TUBGCP3: variants seen among roughly 807,000 people sequenced by gnomAD.
TUBGCP3 encodes tubulin gamma complex component 3, also known as gamma-tubulin complex component 3.
In TUBGCP3, 50 loss-of-function variants were observed where a neutral mutation model predicts 123.1. That is an observed-to-expected ratio of 0.41 (90% CI 0.32 to 0.51). The LOEUF is 0.51. TUBGCP3 is among the 20% of genes least tolerant of loss of function. The probability of loss-of-function intolerance (pLI) is 0.36; values close to 1 mark genes in which losing one functional copy is unlikely to be tolerated. For synonymous variants in TUBGCP3, 405 were observed against 413.9 expected (o/e 0.98, Z 0.26); for missense variants, 882 against 1,127.0 (o/e 0.78, Z 3.11).
chr13:112,547,564 GCGCGTGGGAAAGTCGCGCGTGGGAAAGA>G, intron 10 of TUBGCP3, 28 bp downstream of exon 10: 1 of 1,349,444 alleles, frequency 7.4e-7, no homozygotes, highest in Non-Finnish European at 9.7e-7. Flanking sequence ...TGGGAAAGTC[GCGCGTGGGAAAGTCGCGCGTGGGAAAGA>G]CGTGCGTGGG....
At chr13:112,596,559 C>CT in the TUBGCP3 span, among the ~76,000 whole-genome samples, 2 of 152,040 alleles carry the variant, frequency 1.3e-5, no homozygotes, top group Admixed American at 6.5e-5. Context: ...CGGAGTTTGA[C>CT]TATGAAATGT....
intron 1 of TUBGCP3, chr13:112,587,277 C>T (rs1882674692): frequency 6.6e-6 from 1 of 152,256 alleles, no homozygotes; most frequent in Non-Finnish European, 1.5e-5. Flanking sequence ...GCCATGTGAA[C>T]TTTCCCAGAA....
At chr13:112,486,187 G>A in intron 21 of TUBGCP3, 36 bp from the exon 22 acceptor site, 1 of 1,608,940 alleles carries the variant, frequency 6.2e-7, no homozygotes, top group Non-Finnish European at 8.5e-7. Flanking sequence ...TATTGTTTCA[G>A]AAAAGAACAA....
intron 17 of TUBGCP3, among the ~76,000 whole-genome samples, chr13:112,505,422 C>T (rs1566538208): frequency 6.6e-6 from 1 of 152,342 alleles, no homozygotes; most frequent in East Asian, 1.9e-4. Context: ...TTTGTTACTG[C>T]TTCAAACGCC....
At chr13:112,584,777 T>C (rs1041698641) in intron 1 of TUBGCP3, among the ~76,000 whole-genome samples, 1 of 152,242 alleles carries the variant, frequency 6.6e-6, no homozygotes, top group Non-Finnish European at 1.5e-5. Context: ...AAAGAAGTGT[T>C]ACCTCTGACA....
At chr13:112,523,923 C>T (rs1876829951) in intron 13 of TUBGCP3, among the ~76,000 whole-genome samples, 2 of 152,234 alleles carry the variant, frequency 1.3e-5, no homozygotes, top group Admixed American at 1.3e-4. Context: ...TTTGCATCTT[C>T]TGTCTTCCCA....
At chr13:112,537,148 T>TTTTTTTAA (rs1555340956) in intron 11 of TUBGCP3, among the ~76,000 whole-genome samples, 1 of 109,066 alleles carries the variant, frequency 9.2e-6, no homozygotes, top group Non-Finnish European at 1.7e-5. Context: ...TTTTTTTTTT[T>TTTTTTTAA]AAAAAAAAAA....
the TUBGCP3 span, among the ~76,000 whole-genome samples, chr13:112,601,143 C>T: frequency 7.6e-5 from 11 of 144,188 alleles, no homozygotes; most frequent in South Asian, 8.6e-4. Context: ...GCCAAGATCA[C>T]GCCACTGCAC....
chr13:112,536,920 C>T (rs1479774446), intron 11 of TUBGCP3, among the ~76,000 whole-genome samples: 1 of 151,860 alleles, frequency 6.6e-6, no homozygotes, highest in African/African-American at 2.4e-5. Context: ...TACAGGTGTG[C>T]ACCACTACAC....
At chr13:112,537,148 T>A (rs9604341) in intron 11 of TUBGCP3, among the ~76,000 whole-genome samples, 10,810 of 109,072 alleles carry the variant, frequency 0.099, 987 homozygotes, top group African/African-American at 0.25. Context: ...TTTTTTTTTT[T>A]AAAAAAAAAA....
intron 11 of TUBGCP3, among the ~76,000 whole-genome samples, chr13:112,533,508 T>C (rs9604339): frequency 0.15 from 22,233 of 151,886 alleles, 2,257 homozygotes; most frequent in African/African-American, 0.29. Context: ...TAATCTCATC[T>C]TTATTTTCAC....
At position 112,554,168 on chromosome 13, in the gene TUBGCP3, C is replaced by T; in HGVS notation, c.855G>A (p.Arg285=). The T allele has an allele frequency of 6.2e-7, 1 of 1,613,868 alleles. No homozygotes were observed. Among genetic ancestry groups the T allele is most frequent in the Non-Finnish European group, 8.5e-7 (1 of 1,179,972 alleles). Residue 285 remains arginine (R), a synonymous_variant, in exon 8 of 22, where the codon AGG becomes AGA. Transcript: ENST00000261965. ...GCCTGACTGCTGTGTCTCTCAAAGACCTACTTAGATTTGCCTAAAAAGTAA... is the reference window on the plus strand; with the variant it reads ...GCCTGACTGCTGTGTCTCTCAAAGATCTACTTAGATTTGCCTAAAAAGTAA... ...YKVEGKANLS[R]SLRDTAVRLS...
chr13:112,534,857 G>C (rs556005815), intron 11 of TUBGCP3, among the ~76,000 whole-genome samples: 1 of 152,074 alleles, frequency 6.6e-6, no homozygotes, highest in East Asian at 1.9e-4. Flanking sequence ...CAATATGGTC[G>C]TGCGACCATT....
chr13:112,540,878 G>A (rs1358570371), intron 11 of TUBGCP3, among the ~76,000 whole-genome samples: 1 of 152,222 alleles, frequency 6.6e-6, no homozygotes, highest in East Asian at 1.9e-4. Context: ...AATAATTTGA[G>A]ATGCTGATTT....
chr13:112,522,963 C>T (rs1378322932), intron 13 of TUBGCP3, among the ~76,000 whole-genome samples: 3 of 152,106 alleles, frequency 2.0e-5, no homozygotes, highest in East Asian at 1.9e-4. Context: ...GTGAACTCTA[C>T]GGAGATTGGT....
At chr13:112,549,457 C>G (rs1327059997) in intron 8 of TUBGCP3, among the ~76,000 whole-genome samples, 3 of 151,656 alleles carry the variant, frequency 2.0e-5, no homozygotes, top group Non-Finnish European at 4.4e-5. Flanking sequence ...ACGTTGTGCA[C>G]ATGTACCCTA....
chr13:112,545,283 C>G lies in TUBGCP3; in HGVS notation c.1335+416G>C, dbSNP rs113614342. The G allele has an allele frequency of 5.5e-3, 986 of 178,454 alleles. 9 individuals carry two copies. The highest frequency in any genetic ancestry group is 0.021 in the African/African-American group (918 of 43,030). 11.1% of individuals were successfully genotyped at this position (178,454 alleles called of 1,614,324 possible). On this transcript the variant is annotated intron_variant, in intron 11 of 21. Coordinates refer to ENST00000261965, the MANE Select transcript of TUBGCP3 (RefSeq NM_006322.6). This position sits in a 1 kb window ranked among gnomAD's most constrained non-coding sequence, Gnocchi z 4.1. ...CACATGCTGCGTTACAGAACTGACC[C>G]TATTTCAATAGCTACATACACAACT...
rs762339374 is a variant in TUBGCP3, at chr13:112,554,849, T to G, written c.840+38A>C. 3.8e-5 allele frequency: 55 copies of G among 1,449,360 alleles called. No individual in the cohort carries two copies. The South Asian group carries it at 6.7e-4, about 18-fold the overall frequency. 89.8% of individuals were successfully genotyped at this position (1,449,360 alleles called of 1,614,324 possible). A position where few individuals can be genotyped will look rare whatever the true frequency, so the allele number is the denominator to read the frequency against. On this transcript the variant is annotated intron_variant, in intron 7 of 21. Transcript: ENST00000261965. Reference sequence around the variant, plus strand: ...TCTGGACTTCATGACATGTTTTTTCTTTCTGAATATTTTAACTTAGATTTT... The same window carrying G: ...TCTGGACTTCATGACATGTTTTTTCGTTCTGAATATTTTAACTTAGATTTT...
chr13:112,574,571 C>T (rs866879562), intron 1 of TUBGCP3, among the ~76,000 whole-genome samples: 1 of 152,192 alleles, frequency 6.6e-6, no homozygotes, highest in South Asian at 2.1e-4. Context: ...ACTGAAGAAT[C>T]CCTGAAAGAT....
Sources: allele counts gnomAD v4.1 joint callset (sites outside exome capture counted in the v4.1 genomes callset), GRCh38; gene constraint gnomAD v4.1.1; non-coding constraint Gnocchi (gnomAD v3.1); transcripts MANE v1.5; gene names NCBI Gene and HGNC (gene_info 2026-07-23, HGNC 2026-07-21).